IGF1R: variants seen among roughly 807,000 people sequenced by gnomAD.
The protein encoded by IGF1R is insulin like growth factor 1 receptor.
In IGF1R, 44 loss-of-function variants were observed where a neutral mutation model predicts 144.6. That is an observed-to-expected ratio of 0.30 (90% confidence interval 0.24 to 0.39). The LOEUF is 0.39. Ranked by LOEUF, IGF1R falls within the 10% of genes least tolerant of loss-of-function variation. IGF1R has a pLI of 1.00. For synonymous variants in IGF1R, 795 were observed against 722.8 expected (o/e 1.10, Z -1.60); for missense variants, 1,355 against 1,833.7 (o/e 0.74, Z 4.77).
rs1180855147 is a variant in IGF1R, at chr15:98,948,558, T to G, written c.3588-16T>G. The G allele has an allele frequency of 6.2e-7, 1 of 1,613,496 alleles. No individual in the cohort carries two copies. The highest frequency in any genetic ancestry group is 1.1e-5 in the South Asian group (1 of 91,044). The stretch of plus-strand genomic sequence containing the variant: ...CATCCCTTTCCAAGCTCCTCACAGT[T>G]TTTTTCTCCCTGTAGGTCCTTCGGG... On this transcript the variant is annotated splice_polypyrimidine_tract_variant and intron_variant, in intron 19 of 20. Transcript: ENST00000650285.
intron 2 of IGF1R, among the ~76,000 whole-genome samples, chr15:98,716,418 A>G (rs2141273458): frequency 6.6e-6 from 1 of 152,336 alleles, no homozygotes; most frequent in Non-Finnish European, 1.5e-5. Flanking sequence ...ATCATCATGT[A>G]TAATTTGGGA....
intron 2 of IGF1R, among the ~76,000 whole-genome samples, chr15:98,830,597 A>G (rs2056982264): frequency 7.1e-6 from 1 of 141,388 alleles, no homozygotes; most frequent in Non-Finnish European, 1.5e-5. Context: ...CCAACATCTG[A>G]TCATCATCTT....
chr15:98,656,489 C>T (rs1031334773), intron 1 of IGF1R, among the ~76,000 whole-genome samples: 2 of 152,158 alleles, frequency 1.3e-5, no homozygotes, highest in Non-Finnish European at 2.9e-5. Flanking sequence ...GCAGAGGTTG[C>T]AGTGAGCCAA....
At chr15:98,825,513 C>A (rs554099542) in intron 2 of IGF1R, among the ~76,000 whole-genome samples, 3 of 152,312 alleles carry the variant, frequency 2.0e-5, no homozygotes, top group Middle Eastern at 3.4e-3. Flanking sequence ...CCTGTCAGAT[C>A]AGCAGAGGTC....
At chr15:98,926,013 TC>T (rs66541360) in intron 13 of IGF1R, among the ~76,000 whole-genome samples, 11,174 of 152,268 alleles carry the variant, frequency 0.073, 448 homozygotes, top group Middle Eastern at 0.15. Flanking sequence ...CTCTCTGCAC[TC>T]CCATGTTCAC....
chr15:98,680,277 T>G (rs1408023445), intron 1 of IGF1R, among the ~76,000 whole-genome samples: 3 of 151,972 alleles, frequency 2.0e-5, no homozygotes, highest in African/African-American at 4.8e-5. Flanking sequence ...ATACTTTTTT[T>G]TTTTTTTGAG....
chr15:98,648,593 C>G lies in IGF1R; in HGVS notation c.-989C>G, dbSNP rs2052247381. 6.9e-6 allele frequency among the ~76,000 whole-genome samples: 1 copy of G among 144,350 alleles called. No homozygotes were observed. The highest frequency in any genetic ancestry group is 2.1e-4 in the South Asian group (1 of 4,700). 94.7% of individuals were successfully genotyped at this position (144,350 alleles called of 152,430 possible). A position where few individuals can be genotyped will look rare whatever the true frequency, so the allele number is the denominator to read the frequency against. On this transcript the variant is annotated 5_prime_UTR_variant, in exon 1 of 21. Coordinates refer to ENST00000650285, the MANE Select transcript of IGF1R (RefSeq NM_000875.5). ...CGAGGCTGGGGCTCTTGTTTACCAG[C>G]ATTAACTCCGCTGAGCGGAAAAAAA...
At chr15:98,765,172 C>T (rs2141360407) in intron 2 of IGF1R, among the ~76,000 whole-genome samples, 1 of 152,218 alleles carries the variant, frequency 6.6e-6, no homozygotes, top group Non-Finnish European at 1.5e-5. Context: ...AATAATAGTC[C>T]ATTGTATCCA....
At chr15:98,929,476 T>C in intron 13 of IGF1R, 82 bp from the exon 14 acceptor site, 1 of 1,088,046 alleles carries the variant, frequency 9.2e-7, no homozygotes, top group Non-Finnish European at 1.4e-6. Context: ...ATTTTTTTCA[T>C]ACTTCCAACT....
intron 5 of IGF1R, among the ~76,000 whole-genome samples, chr15:98,901,437 A>G (rs903129684): frequency 6.6e-6 from 1 of 152,164 alleles, no homozygotes; most frequent in African/African-American, 2.4e-5. Flanking sequence ...ATGACCACAA[A>G]GGTATAGCCC....
At chr15:98,912,071 C>G (rs1266362918) in intron 7 of IGF1R, among the ~76,000 whole-genome samples, 1 of 152,202 alleles carries the variant, frequency 6.6e-6, no homozygotes, top group Non-Finnish European at 1.5e-5. Context: ...CTTATTCCTC[C>G]CGACTGCAGC....
intron 2 of IGF1R, among the ~76,000 whole-genome samples, chr15:98,794,323 A>G (rs1567132459): frequency 6.6e-6 from 1 of 152,152 alleles, no homozygotes; most frequent in Non-Finnish European, 1.5e-5. Flanking sequence ...TTTCCCTAGA[A>G]ATGGCTGGGT....
chr15:98,743,398 G>A (rs2054791987), intron 2 of IGF1R, among the ~76,000 whole-genome samples: 1 of 152,118 alleles, frequency 6.6e-6, no homozygotes, highest in Non-Finnish European at 1.5e-5. Flanking sequence ...CCTAGTAAAT[G>A]CCCACTAGGC....
At chr15:98,877,520 A>T (rs1168542420) in intron 2 of IGF1R, among the ~76,000 whole-genome samples, 7 of 123,194 alleles carry the variant, frequency 5.7e-5, no homozygotes, top group Non-Finnish European at 8.1e-5. Flanking sequence ...TTTTCCCCAA[A>T]AAATTTGCTA....
chr15:98,651,022 G>A (rs1380403078), intron 1 of IGF1R: 3 of 985,256 alleles, frequency 3.0e-6, no homozygotes, highest in Non-Finnish European at 3.6e-6. Flanking sequence ...AGGGTAATTT[G>A]AACACGATTA....
rs371320195 is a variant in IGF1R, at chr15:98,674,723, T to G, written c.94+25048T>G. On this transcript the variant is annotated intron_variant, in intron 1 of 20. Transcript: ENST00000650285. ...AGAAAATAAGTTTTCTGTCTCTCTA[T>G]AAAAGGAAAATAAAAATTATCCTTA... 1.3e-5 allele frequency among the ~76,000 whole-genome samples: 2 copies of G among 152,310 alleles called. 1 individual carries two copies. Among genetic ancestry groups the G allele is most frequent in the African/African-American group, 4.8e-5 (2 of 41,578 alleles).
chr15:98,936,033 A>C lies in IGF1R; in HGVS notation c.3297+607A>C, dbSNP rs55858436. Among the ~76,000 whole-genome samples the C allele has an allele frequency of 5.2e-3, 794 of 151,620 alleles. 8 individuals are homozygous for C. Among genetic ancestry groups the C allele is most frequent in the African/African-American group, 0.018 (762 of 41,278 alleles). On this transcript the variant is annotated intron_variant, in intron 17 of 20. Transcript: ENST00000650285. ...CTGGGAAGTTGCTGGGTGATTTCCCACCCAGCTCCGTGCGCAAGATGTGCA... is the reference window on the plus strand; with the variant it reads ...CTGGGAAGTTGCTGGGTGATTTCCCCCCCAGCTCCGTGCGCAAGATGTGCA...
intron 3 of IGF1R, among the ~76,000 whole-genome samples, chr15:98,892,634 A>G (rs2151646352): frequency 6.6e-6 from 1 of 152,340 alleles, no homozygotes; most frequent in South Asian, 2.1e-4. Flanking sequence ...GCTTTTGAAA[A>G]TAAGATGTTA....
intron 1 of IGF1R, among the ~76,000 whole-genome samples, chr15:98,655,995 C>T (rs977291015): frequency 6.6e-6 from 1 of 152,210 alleles, no homozygotes; most frequent in Admixed American, 6.5e-5. Flanking sequence ...CCCCAGCCTA[C>T]AAGAATTTGT....
Sources: gnomAD v4.1 joint callset for allele counts (sites outside exome capture counted in the v4.1 genomes callset) on GRCh38, gnomAD v4.1.1 for gene constraint, MANE v1.5 for transcripts, NCBI Gene and HGNC (gene_info 2026-07-23, HGNC 2026-07-21) for gene names.